Variants in SV2C observed in about 807,000 individuals in gnomAD.
The protein encoded by SV2C is solute carrier family 22 member B3.
Under a neutral mutation model 79.7 loss-of-function variants are expected in SV2C, and 49 were observed. The ratio of observed to expected loss-of-function variants is 0.61; its 90% confidence interval spans 0.49 to 0.78. The LOEUF (loss-of-function observed/expected upper bound fraction) is 0.78. SV2C is among the 30% of genes least tolerant of loss of function. SV2C has a pLI of 0.00. For synonymous variants in SV2C, 334 were observed against 333.2 expected, an observed-to-expected ratio of 1.00 and a Z score of -0.03; for missense variants, 833 against 912.9, an observed-to-expected ratio of 0.91 and a Z score of 1.13.
At chr5:76,273,745 T>C (rs1301532509) in intron 4 of SV2C, among the ~76,000 whole-genome samples, 2 of 152,164 alleles carry the variant, frequency 1.3e-5, no homozygotes, top group Non-Finnish European at 2.9e-5. Context: ...TTGGAGTTTG[T>C]TGGAATTTAA....
chr5:76,282,054 C>G (rs1747215115), intron 4 of SV2C, among the ~76,000 whole-genome samples: 1 of 152,186 alleles, frequency 6.6e-6, no homozygotes, highest in African/African-American at 2.4e-5. Flanking sequence ...TCACTTCATC[C>G]TATTTGCCTT....
the SV2C span, among the ~76,000 whole-genome samples, chr5:75,929,417 T>C: frequency 6.6e-6 from 1 of 151,930 alleles, no homozygotes; most frequent in Non-Finnish European, 1.5e-5. Context: ...CTGCGGCATC[T>C]GCTTGGGGGA....
chr5:76,247,571 T>C (rs1225724981), intron 4 of SV2C, among the ~76,000 whole-genome samples: 1 of 152,244 alleles, frequency 6.6e-6, no homozygotes, highest in Admixed American at 6.5e-5. Flanking sequence ...TTACTGCTGG[T>C]AATGCCTGTT....
chr5:75,901,467 C>T, the SV2C span, among the ~76,000 whole-genome samples: 14 of 152,252 alleles, frequency 9.2e-5, no homozygotes, highest in South Asian at 2.1e-4. Flanking sequence ...GAGGAGTACC[C>T]GGCCGTGTGA....
chr5:75,856,955 CT>C, the SV2C span, among the ~76,000 whole-genome samples: 895 of 128,508 alleles, frequency 7.0e-3, 4 homozygotes, highest in African/African-American at 0.021. Context: ...GTCTTTAATC[CT>C]TTTTTTTTTT....
intron 4 of SV2C, among the ~76,000 whole-genome samples, chr5:76,267,541 A>G (rs1380830069): frequency 6.6e-6 from 1 of 152,204 alleles, no homozygotes; most frequent in African/African-American, 2.4e-5. Flanking sequence ...TGATTCAAAC[A>G]GGTTAAATTT....
chr5:76,252,402 G>A (rs11742035), intron 4 of SV2C, among the ~76,000 whole-genome samples: 19,950 of 152,230 alleles, frequency 0.13, 1,782 homozygotes, highest in Non-Finnish European at 0.2. Flanking sequence ...GATTACAGGC[G>A]TGAACCACCG....
intron 2 of SV2C, among the ~76,000 whole-genome samples, chr5:76,157,047 T>C (rs1294519089): frequency 6.6e-6 from 1 of 152,068 alleles, no homozygotes; most frequent in Admixed American, 6.6e-5. Flanking sequence ...TGGAAAAATA[T>C]TAATGTACAT....
the SV2C span, among the ~76,000 whole-genome samples, chr5:76,006,060 C>T: frequency 6.6e-6 from 1 of 152,206 alleles, no homozygotes; most frequent in East Asian, 1.9e-4. Flanking sequence ...GCAGTTTCCT[C>T]AGGGAAGGGG....
chr5:76,093,160 G>A (rs748372181), intron 1 of SV2C, among the ~76,000 whole-genome samples: 2 of 152,054 alleles, frequency 1.3e-5, no homozygotes, highest in Non-Finnish European at 2.9e-5. Flanking sequence ...AGCACCCATC[G>A]AAAATCAGAA....
At chr5:75,915,571 C>T in the SV2C span, among the ~76,000 whole-genome samples, 4 of 152,204 alleles carry the variant, frequency 2.6e-5, no homozygotes, top group African/African-American at 9.7e-5. Flanking sequence ...ACTGTAACAA[C>T]TCAACATTTG....
intron 12 of SV2C, among the ~76,000 whole-genome samples, chr5:76,304,074 T>C (rs1181613501): frequency 6.6e-6 from 1 of 152,212 alleles, no homozygotes; most frequent in African/African-American, 2.4e-5. Flanking sequence ...GGTCCAGTCA[T>C]TGTCTGGGAG....
intron 2 of SV2C, among the ~76,000 whole-genome samples, chr5:76,144,994 G>A (rs1749374703): frequency 6.6e-6 from 1 of 152,210 alleles, no homozygotes; most frequent in Non-Finnish European, 1.5e-5. Flanking sequence ...TGAGGCCCAG[G>A]CCCAAGAGAA....
At position 76,333,113 on chromosome 5, in the gene SV2C, A is replaced by C. The variant is rs930958111; in HGVS notation, c.*7566A>C. The stretch of plus-strand genomic sequence containing the variant: ...GCAAAGTGTCTCCCCTCTTGCGCCC[A>C]CGTAGTCATCCAAGAAGGAAACTCC... On this transcript the variant is annotated 3_prime_UTR_variant, in exon 13 of 13. Transcript: ENST00000502798. The C allele has an allele frequency of 6.6e-6, 1 of 152,190 alleles. No individual in the cohort carries two copies. Among genetic ancestry groups the C allele is most frequent in the Admixed American group, 6.5e-5 (1 of 15,276 alleles). 9.4% of individuals were successfully genotyped at this position (152,190 alleles called of 1,614,324 possible).
chr5:75,992,189 G>A, the SV2C span, among the ~76,000 whole-genome samples: 29 of 152,020 alleles, frequency 1.9e-4, no homozygotes, highest in Admixed American at 1.6e-3. Flanking sequence ...CTTTTAATTC[G>A]ATAGGGATAA....
the SV2C span, among the ~76,000 whole-genome samples, chr5:75,989,506 GC>G: frequency 2.6e-5 from 4 of 151,946 alleles, no homozygotes; most frequent in African/African-American, 4.8e-5. Flanking sequence ...TTGTATATGT[GC>G]CACATTTTCT....
chr5:76,013,320 A>T, the SV2C span, among the ~76,000 whole-genome samples: 2 of 152,278 alleles, frequency 1.3e-5, no homozygotes, highest in South Asian at 4.1e-4. Context: ...GAGGTCCTTC[A>T]CATCCCTTGT....
upstream of SV2C, chr5:76,078,542 T>C (rs1027192347): frequency 2.0e-5 from 6 of 294,524 alleles, no homozygotes; most frequent in Admixed American, 1.3e-4. Flanking sequence ...AAGACGAACA[T>C]TGGTAGACTC....
At chr5:75,938,268 T>C in the SV2C span, among the ~76,000 whole-genome samples, 1 of 150,098 alleles carries the variant, frequency 6.7e-6, no homozygotes, top group Non-Finnish European at 1.5e-5. Flanking sequence ...AATTTGTGCA[T>C]TTTGGTACTA....
Sources: allele counts gnomAD v4.1 joint callset (sites outside exome capture counted in the v4.1 genomes callset), GRCh38; gene constraint gnomAD v4.1.1; transcripts MANE v1.5; gene names NCBI Gene and HGNC (gene_info 2026-07-23, HGNC 2026-07-21).